Variants in CDH11 observed in about 807,000 individuals in gnomAD.
CDH11 encodes cadherin-11.
Under a neutral mutation model 67.8 loss-of-function variants are expected in CDH11, and 11 were observed. The observed-to-expected ratio is 0.16, with a 90% CI of 0.10 to 0.27. CDH11 has a LOEUF of 0.27. Ranked by LOEUF, CDH11 falls within the 10% of genes least tolerant of loss-of-function variation. The pLI, the probability that CDH11 is intolerant of heterozygous loss-of-function variation, is 1.00. For missense variants in CDH11, 847 were observed against 1,031.2 expected (o/e 0.82, Z 2.45); for synonymous variants, 419 against 400.0 (o/e 1.05, Z -0.57).
intron 1 of CDH11, among the ~76,000 whole-genome samples, chr16:65,101,494 T>C (rs1290078447): frequency 6.6e-6 from 1 of 152,216 alleles, no homozygotes. Flanking sequence ...CCTACTTTCC[T>C]ATCTCCATTT....
chr16:65,069,026 G>A (rs1352043210), intron 1 of CDH11, among the ~76,000 whole-genome samples: 1 of 152,204 alleles, frequency 6.6e-6, no homozygotes, highest in African/African-American at 2.4e-5. Context: ...CTCACTTGAA[G>A]TAAAGGACCT....
intron 1 of CDH11, among the ~76,000 whole-genome samples, chr16:65,065,486 G>A (rs1455780294): frequency 5.9e-5 from 9 of 152,146 alleles, no homozygotes; most frequent in Non-Finnish European, 1.2e-4. Flanking sequence ...GGGGACACAC[G>A]ACCTGGCACA....
At chr16:65,102,176 CT>C (rs2142860334) in intron 1 of CDH11, among the ~76,000 whole-genome samples, 1 of 152,320 alleles carries the variant, frequency 6.6e-6, no homozygotes, top group East Asian at 1.9e-4. Flanking sequence ...AAACTTCTGA[CT>C]CTAAGAACCA....
At chr16:65,028,021 G>A (rs2073567758) in intron 2 of CDH11, among the ~76,000 whole-genome samples, 2 of 152,192 alleles carry the variant, frequency 1.3e-5, no homozygotes, top group African/African-American at 4.8e-5. Context: ...ATTCAGGATT[G>A]CAAGGGCACT....
chr16:65,049,247 CTG>C (rs1341458474), intron 2 of CDH11, among the ~76,000 whole-genome samples: 1 of 152,088 alleles, frequency 6.6e-6, no homozygotes, highest in Non-Finnish European at 1.5e-5. Flanking sequence ...ACCAAAATAA[CTG>C]TAATAATAAT....
chr16:65,058,056 G>A (rs775823653), intron 1 of CDH11, among the ~76,000 whole-genome samples: 29 of 152,176 alleles, frequency 1.9e-4, no homozygotes, highest in South Asian at 1.2e-3. Flanking sequence ...GCAATATGGC[G>A]AAACGTGTAA....
intron 2 of CDH11, among the ~76,000 whole-genome samples, chr16:65,007,529 A>C (rs42863): frequency 0.28 from 42,306 of 152,152 alleles, 6,381 homozygotes; most frequent in Middle Eastern, 0.36. Flanking sequence ...AGAAGGCCCC[A>C]GAGGACGGGT....
intron 2 of CDH11, among the ~76,000 whole-genome samples, chr16:65,018,031 C>T (rs887707029): frequency 5.3e-5 from 8 of 152,128 alleles, no homozygotes; most frequent in African/African-American, 1.7e-4. Flanking sequence ...CATATAGGCC[C>T]ATTTTTAAAA....
In CDH11 at chr16:65,043,334, G is replaced by T. The variant is rs1254232787; in HGVS notation, c.-173+10470C>A. Among the ~76,000 whole-genome samples, 378 of 152,278 alleles carry T rather than the reference G, an allele frequency of 2.5e-3. 3 individuals carry two copies. The highest frequency in any genetic ancestry group is 8.4e-3 in the African/African-American group (349 of 41,538). ...TCTGGGACGCTGACTCTGAGATGGA[G>T]TTTAGCATGGGGATGTTTACTAGGG... On this transcript the variant is annotated intron_variant, in intron 2 of 12. Coordinates refer to ENST00000268603, the MANE Select transcript of CDH11 (RefSeq NM_001797.4).
intron 2 of CDH11, among the ~76,000 whole-genome samples, chr16:65,013,668 T>C (rs1191589074): frequency 6.6e-6 from 1 of 151,520 alleles, no homozygotes; most frequent in East Asian, 1.9e-4. Context: ...ACTAAAAAAA[T>C]ATACAAAAAT....
chr16:64,957,621 C>T (rs896080142), intron 11 of CDH11, among the ~76,000 whole-genome samples: 4 of 144,988 alleles, frequency 2.8e-5, no homozygotes, highest in Non-Finnish European at 6.1e-5. Context: ...CACACACACA[C>T]ACACACACAC....
chr16:64,991,684 C>T (rs1778456787), intron 6 of CDH11, 84 bp downstream of exon 6: 8 of 938,092 alleles, frequency 8.5e-6, no homozygotes, highest in South Asian at 1.9e-5. Context: ...TTTTTGATAC[C>T]TCAGTAAAGC....
intron 2 of CDH11, among the ~76,000 whole-genome samples, chr16:65,040,777 A>T (rs1205125476): frequency 1.3e-5 from 2 of 152,330 alleles, no homozygotes; most frequent in East Asian, 3.9e-4. Context: ...CTAATATATA[A>T]TTCATGTATC....
chr16:65,031,997 A>G (rs984399805), intron 2 of CDH11, among the ~76,000 whole-genome samples: 1 of 152,172 alleles, frequency 6.6e-6, no homozygotes, highest in African/African-American at 2.4e-5. Flanking sequence ...CAGATTTACA[A>G]GGATGTGCGA....
chr16:65,008,602 T>C (rs1343589002), intron 2 of CDH11, among the ~76,000 whole-genome samples: 1 of 152,196 alleles, frequency 6.6e-6, no homozygotes, highest in African/African-American at 2.4e-5. Flanking sequence ...ATGAGGAAAC[T>C]GAGTTCCAGA....
rs1292980528 is a variant in CDH11, at chr16:64,972,900, T to G, written c.1390+4A>C. The G allele has an allele frequency of 4.3e-6, 7 of 1,613,786 alleles. No individual in the cohort carries two copies. Among genetic ancestry groups the G allele is most frequent in the Admixed American group, 1.7e-5 (1 of 59,990 alleles). ...AGAATCAAAACCATGAGGAGAATAC[T>G]TACGGATTTCTGCTGCAAAGACAGT... On this transcript the variant is annotated splice_donor_region_variant and intron_variant, in intron 9 of 12. Coordinates refer to ENST00000268603, the MANE Select transcript of CDH11 (RefSeq NM_001797.4).
At chr16:64,978,023 T>C (rs1477366883) in intron 8 of CDH11, among the ~76,000 whole-genome samples, 2 of 152,214 alleles carry the variant, frequency 1.3e-5, no homozygotes. Flanking sequence ...GTCCGTGTAA[T>C]TTCCTTTCAT....
intron 1 of CDH11, among the ~76,000 whole-genome samples, chr16:65,102,246 A>C (rs1293918821): frequency 6.6e-6 from 1 of 152,214 alleles, no homozygotes; most frequent in African/African-American, 2.4e-5. Context: ...TCATGTTGAA[A>C]ATCCATTTCT....
rs186035499 is a variant in CDH11, at chr16:64,947,007, T to C, written c.*596A>G. 86 of 1,015,794 alleles carry C rather than the reference T, an allele frequency of 8.5e-5. No homozygotes were observed. The African/African-American group carries it at 1.0e-3, about 12-fold the overall frequency. The allele number at this position is 1,015,794 out of a possible 1,614,324, so 62.9% of individuals were successfully genotyped here. On this transcript the variant is annotated 3_prime_UTR_variant, in exon 13 of 13. Transcript: ENST00000268603. Reference sequence around the variant, plus strand: ...GTCTCTCACTGAAACAAGACAGTTATATCTGGCACGTATTAGTTTAAGATG... The same window carrying C: ...GTCTCTCACTGAAACAAGACAGTTACATCTGGCACGTATTAGTTTAAGATG...
Sources: allele counts gnomAD v4.1 joint callset (sites outside exome capture counted in the v4.1 genomes callset), GRCh38; gene constraint gnomAD v4.1.1; transcripts MANE v1.5; gene names NCBI Gene and HGNC (gene_info 2026-07-23, HGNC 2026-07-21).